The following MAF variants were observed in gnomAD, a reference collection of about 807,000 sequenced individuals.
MAF encodes the protein MAF bZIP transcription factor.
A neutral mutation model predicts 22.0 loss-of-function variants in MAF; 10 were observed. The observed-to-expected ratio is 0.45, with a 90% confidence interval of 0.28 to 0.77. The LOEUF is 0.77. MAF is among the 30% of genes least tolerant of loss of function. The pLI, the probability that MAF is intolerant of heterozygous loss-of-function variation, is 0.12. For missense variants in MAF, 544 were observed against 548.4 expected, an observed-to-expected ratio of 0.99 and a Z score of 0.08; for synonymous variants, 337 against 255.8, an observed-to-expected ratio of 1.32 and a Z score of -3.03.
the MAF span, among the ~76,000 whole-genome samples, chr16:79,294,547 G>A: frequency 2.0e-5 from 3 of 152,090 alleles, no homozygotes; most frequent in Non-Finnish European, 2.9e-5. Flanking sequence ...AATTGTTACC[G>A]TATTGTAATC....
the MAF span, among the ~76,000 whole-genome samples, chr16:79,353,469 G>C: frequency 1.3e-5 from 2 of 152,150 alleles, no homozygotes; most frequent in Non-Finnish European, 2.9e-5. Flanking sequence ...GAAGTTATGA[G>C]GCTAATGGTC....
chr16:79,420,568 C>A, the MAF span, among the ~76,000 whole-genome samples: 1 of 152,074 alleles, frequency 6.6e-6, no homozygotes, highest in African/African-American at 2.4e-5. Context: ...CCCCCACTAA[C>A]AACCTCCCGC....
chr16:79,447,943 T>C, the MAF span, among the ~76,000 whole-genome samples: 2 of 141,072 alleles, frequency 1.4e-5, no homozygotes, highest in African/African-American at 2.8e-5. Flanking sequence ...AGCCTGAAGA[T>C]ATGACTGAAT....
chr16:79,408,696 A>C, the MAF span, among the ~76,000 whole-genome samples: 1 of 146,368 alleles, frequency 6.8e-6, no homozygotes, highest in Non-Finnish European at 1.5e-5. Flanking sequence ...CCTCCCCTCC[A>C]TCCCTTTCTC....
At chr16:79,323,889 C>G in the MAF span, among the ~76,000 whole-genome samples, 1 of 152,126 alleles carries the variant, frequency 6.6e-6, no homozygotes. Flanking sequence ...GAATTCCTCC[C>G]TTTTATTGCC....
the MAF span, among the ~76,000 whole-genome samples, chr16:79,351,396 G>A: frequency 6.6e-6 from 1 of 152,182 alleles, no homozygotes; most frequent in Non-Finnish European, 1.5e-5. Context: ...ACCTCCTTGT[G>A]TGTTCAGGGT....
intron 1 of MAF, chr16:79,596,245 A>G (rs2143772429): frequency 1.9e-6 from 2 of 1,059,978 alleles, no homozygotes; most frequent in East Asian, 1.0e-4. Flanking sequence ...TCATTTGAAA[A>G]CTGAAAACTT....
At chr16:79,317,995 A>G in the MAF span, among the ~76,000 whole-genome samples, 1 of 152,216 alleles carries the variant, frequency 6.6e-6, no homozygotes, top group Non-Finnish European at 1.5e-5. Context: ...ATCCTGGAAC[A>G]TAACAGTGTC....
the MAF span, among the ~76,000 whole-genome samples, chr16:79,352,906 G>T: frequency 3.3e-5 from 5 of 152,170 alleles, no homozygotes; most frequent in African/African-American, 1.2e-4. Context: ...AAAATAGATG[G>T]AGAATCAAGT....
At chr16:79,355,233 G>C in the MAF span, among the ~76,000 whole-genome samples, 1 of 152,180 alleles carries the variant, frequency 6.6e-6, no homozygotes, top group Admixed American at 6.5e-5. Flanking sequence ...GCTGGAAAAC[G>C]TATCTCACAT....
At chr16:79,502,067 C>T in the MAF span, among the ~76,000 whole-genome samples, 4 of 152,076 alleles carry the variant, frequency 2.6e-5, no homozygotes, top group Non-Finnish European at 5.9e-5. Flanking sequence ...TAATTTTCAC[C>T]ACCGCTGCAA....
the MAF span, among the ~76,000 whole-genome samples, chr16:79,475,749 G>A: frequency 6.6e-6 from 1 of 152,130 alleles, no homozygotes; most frequent in Non-Finnish European, 1.5e-5. Flanking sequence ...TTAAGTGGGG[G>A]TGTGGAGTGA....
chr16:79,379,777 A>G, the MAF span, among the ~76,000 whole-genome samples: 6 of 152,150 alleles, frequency 3.9e-5, no homozygotes, highest in African/African-American at 1.2e-4. Flanking sequence ...TATGACGGAC[A>G]CAGCTATAGC....
chr16:79,290,873 T>C, the MAF span, among the ~76,000 whole-genome samples: 2 of 152,092 alleles, frequency 1.3e-5, no homozygotes, highest in East Asian at 3.9e-4. Context: ...AAAATGCAGA[T>C]TCCCAATCTC....
At chr16:79,281,535 C>G in the MAF span, among the ~76,000 whole-genome samples, 5 of 148,404 alleles carry the variant, frequency 3.4e-5, no homozygotes, top group Non-Finnish European at 5.9e-5. Flanking sequence ...AGAAAGCTCA[C>G]TCTTTGAAGA....
the MAF span, among the ~76,000 whole-genome samples, chr16:79,355,884 C>T: frequency 6.6e-6 from 1 of 152,128 alleles, no homozygotes; most frequent in Non-Finnish European, 1.5e-5. Flanking sequence ...GAGGCTCTTT[C>T]CAAATTGAAC....
the MAF span, among the ~76,000 whole-genome samples, chr16:79,492,285 C>A: frequency 6.6e-6 from 1 of 152,096 alleles, no homozygotes; most frequent in Non-Finnish European, 1.5e-5. Context: ...CGCATTCATT[C>A]CGGGTGCAAA....
the MAF span, among the ~76,000 whole-genome samples, chr16:79,290,614 G>C: frequency 6.6e-6 from 1 of 152,104 alleles, no homozygotes; most frequent in Non-Finnish European, 1.5e-5. Flanking sequence ...CACAAGATTT[G>C]GGCTGGGGGG....
chr16:79,574,360 T>C, the MAF span, among the ~76,000 whole-genome samples: 1 of 152,262 alleles, frequency 6.6e-6, no homozygotes, highest in Admixed American at 6.5e-5. Context: ...TATTGGTATC[T>C]GCAGAAGTCT....
Sources: allele counts gnomAD v4.1 joint callset (sites outside exome capture counted in the v4.1 genomes callset), GRCh38; gene constraint gnomAD v4.1.1; transcripts MANE v1.5; gene names NCBI Gene and HGNC (gene_info 2026-07-23, HGNC 2026-07-21).